The following CDH13 variants were observed in gnomAD, a reference collection of about 807,000 sequenced individuals.
CDH13 encodes the protein cadherin 13, also known as cadherin-13.
A neutral mutation model predicts 63.8 loss-of-function variants in CDH13; 24 were observed. That is an observed-to-expected ratio of 0.38 (90% confidence interval 0.27 to 0.53). The LOEUF (loss-of-function observed/expected upper bound fraction) is 0.53. CDH13 is among the 20% of genes least tolerant of loss of function. The probability of loss-of-function intolerance (pLI) is 0.85; values close to 1 mark genes in which losing one functional copy is unlikely to be tolerated. For missense variants in CDH13, 1,049 were observed against 903.1 expected, an observed-to-expected ratio of 1.16 and a Z score of -2.07; for synonymous variants, 503 against 355.3, an observed-to-expected ratio of 1.42 and a Z score of -4.67.
In CDH13 at chr16:83,177,540, C is replaced by T. The variant is rs147027274; in HGVS notation, c.484-39805C>T. ...ATTGTGATGATAATAGTACCTGTCC[C>T]TTAGTATTGTTGTGAGGATTAAATA... On this transcript the variant is annotated intron_variant, in intron 4 of 13. Transcript: ENST00000567109. 2.6e-4 allele frequency among the ~76,000 whole-genome samples: 39 copies of T among 152,254 alleles called. No individual in the cohort carries two copies. The East Asian group carries it at 6.8e-3, about 26-fold the overall frequency.
intron 1 of CDH13, among the ~76,000 whole-genome samples, chr16:82,837,035 T>G (rs898866721): frequency 6.6e-6 from 1 of 152,208 alleles, no homozygotes; most frequent in African/African-American, 2.4e-5. Context: ...CATCTCATGA[T>G]AAAATAGATT....
chr16:83,279,897 A>G (rs1250134067), intron 5 of CDH13, among the ~76,000 whole-genome samples: 1 of 152,100 alleles, frequency 6.6e-6, no homozygotes, highest in African/African-American at 2.4e-5. Context: ...CTATACTGCA[A>G]TGTAGTAAGT....
chr16:83,673,171 G>T (rs7192978), intron 9 of CDH13, among the ~76,000 whole-genome samples: 3 of 151,974 alleles, frequency 2.0e-5, no homozygotes, highest in East Asian at 1.9e-4. Context: ...ATTAACTATC[G>T]CACATCTACT....
intron 1 of CDH13, among the ~76,000 whole-genome samples, chr16:82,836,558 A>T (rs1348859767): frequency 6.6e-6 from 1 of 152,210 alleles, no homozygotes; most frequent in Non-Finnish European, 1.5e-5. Flanking sequence ...CTGATGAGAA[A>T]GGATGTTAGG....
chr16:82,970,475 C>T (rs1181654131), intron 2 of CDH13, among the ~76,000 whole-genome samples: 1 of 113,814 alleles, frequency 8.8e-6, no homozygotes, highest in Non-Finnish European at 2.1e-5. Context: ...TCTCGGCTCA[C>T]TGCAAGCTCC....
chr16:83,344,086 C>T (rs776018289), intron 5 of CDH13, among the ~76,000 whole-genome samples: 2 of 152,104 alleles, frequency 1.3e-5, no homozygotes, highest in African/African-American at 2.4e-5. Flanking sequence ...ATGCGGGGAC[C>T]AACACTTATA....
At chr16:82,900,560 C>T (rs9646329) in intron 2 of CDH13, among the ~76,000 whole-genome samples, 21,454 of 152,124 alleles carry the variant, frequency 0.14, 1,685 homozygotes, top group African/African-American at 0.19. Context: ...TTGTTATTTT[C>T]CCCGAATAAA....
intron 5 of CDH13, among the ~76,000 whole-genome samples, chr16:83,239,745 C>G (rs182973746): frequency 6.6e-6 from 1 of 152,144 alleles, no homozygotes; most frequent in Non-Finnish European, 1.5e-5. Flanking sequence ...ATTCAAGGCA[C>G]TCAGTAACAG....
intron 8 of CDH13, among the ~76,000 whole-genome samples, chr16:83,669,248 T>C (rs1458601471): frequency 1.3e-5 from 2 of 152,112 alleles, no homozygotes; most frequent in Non-Finnish European, 2.9e-5. Context: ...CATCAGCCCC[T>C]CCAACCATAA....
chr16:82,923,089 A>G (rs933272614), intron 2 of CDH13, among the ~76,000 whole-genome samples: 2 of 152,222 alleles, frequency 1.3e-5, no homozygotes, highest in African/African-American at 4.8e-5. Flanking sequence ...CTCAAAGAAC[A>G]CATGTTTTAG....
At chr16:83,687,719 A>G (rs34637262) in intron 10 of CDH13, among the ~76,000 whole-genome samples, 3,127 of 152,342 alleles carry the variant, frequency 0.021, 112 homozygotes, top group Admixed American at 0.074. Context: ...CAGGAAGGGT[A>G]GCCAGTGCTA....
At chr16:82,840,512 G>T (rs928962632) in intron 1 of CDH13, among the ~76,000 whole-genome samples, 1 of 151,532 alleles carries the variant, frequency 6.6e-6, no homozygotes, top group Non-Finnish European at 1.5e-5. Context: ...GTGAAACCTC[G>T]TCTCTACTAA....
At chr16:83,097,210 T>C (rs1290100099) in intron 3 of CDH13, among the ~76,000 whole-genome samples, 1 of 152,172 alleles carries the variant, frequency 6.6e-6, no homozygotes, top group Non-Finnish European at 1.5e-5. Context: ...ATATGAAACA[T>C]TTCTGTATAT....
intron 4 of CDH13, among the ~76,000 whole-genome samples, chr16:83,153,202 T>G (rs1438611302): frequency 1.3e-5 from 2 of 151,972 alleles, no homozygotes; most frequent in Non-Finnish European, 2.9e-5. Flanking sequence ...GGAGGGGCAG[T>G]GAGTTGGGGA....
intron 5 of CDH13, among the ~76,000 whole-genome samples, chr16:83,250,302 A>G (rs1309021311): frequency 1.3e-5 from 2 of 152,196 alleles, no homozygotes; most frequent in East Asian, 3.8e-4. Context: ...TTCAAAGAAC[A>G]CCTGATTTAT....
At chr16:82,791,884 C>T (rs764659678) in intron 1 of CDH13, among the ~76,000 whole-genome samples, 1 of 152,182 alleles carries the variant, frequency 6.6e-6, no homozygotes, top group African/African-American at 2.4e-5. Context: ...TTCATGAGGC[C>T]AAGATCCCCA....
intron 5 of CDH13, among the ~76,000 whole-genome samples, chr16:83,270,652 C>T (rs2088774804): frequency 6.6e-6 from 1 of 152,142 alleles, no homozygotes; most frequent in African/African-American, 2.4e-5. Context: ...ACAGATTCAG[C>T]ACTCAATAAC....
At chr16:83,137,735 C>G (rs1264259820) in intron 4 of CDH13, among the ~76,000 whole-genome samples, 1 of 152,126 alleles carries the variant, frequency 6.6e-6, no homozygotes, top group South Asian at 2.1e-4. Context: ...GGAGTGGGGC[C>G]CAGGGCGCAG....
chr16:83,344,750 T>G, intron 5 of CDH13, 112 bp from the exon 6 acceptor site: 1 of 1,136,700 alleles, frequency 8.8e-7, no homozygotes, highest in South Asian at 1.5e-5. Flanking sequence ...ATTTCAATAT[T>G]GCCAAGGGCT....
Sources: allele counts gnomAD v4.1 joint callset (sites outside exome capture counted in the v4.1 genomes callset), GRCh38; gene constraint gnomAD v4.1.1; transcripts MANE v1.5; gene names NCBI Gene and HGNC (gene_info 2026-07-23, HGNC 2026-07-21).